Variants in MUC5AC observed in about 807,000 individuals in gnomAD.
MUC5AC encodes the protein mucin-5AC.
A neutral mutation model predicts 169.7 loss-of-function variants in MUC5AC; 158 were observed. The observed-to-expected ratio is 0.93, with a 90% CI of 0.82 to 1.06. MUC5AC has a LOEUF of 1.06. MUC5AC is among the 50% of genes least tolerant of loss of function. The probability of loss-of-function intolerance (pLI) is 0.00; values close to 1 mark genes in which losing one functional copy is unlikely to be tolerated. For missense variants in MUC5AC, 4,359 were observed against 3,089.9 expected, an observed-to-expected ratio of 1.41 and a Z score of -9.74; for synonymous variants, 1,975 against 1,237.0, an observed-to-expected ratio of 1.60 and a Z score of -12.52.
In MUC5AC at chr11:1,185,715, A is replaced by G. The variant is rs1860925269; in HGVS notation, c.7570A>G (p.Thr2524Ala). 6 of 745,178 alleles carry G rather than the reference A, an allele frequency of 8.1e-6. No individual in the cohort carries two copies. The highest frequency in any genetic ancestry group is 1.2e-5 in the Non-Finnish European group (5 of 407,858). 46.2% of individuals were successfully genotyped at this position (745,178 alleles called of 1,614,324 possible). The change falls in exon 31 of 49, where the codon ACA becomes GCA. Residue 2524 changes from threonine (T) to alanine (A), a missense_variant. Thr to Ala is a moderately conservative substitution (Grantham distance 58). Transcript: ENST00000621226. ...TSTTSASTTS[T>A]TSGAGTTPSP... Reference sequence around the variant, plus strand: ...CACAACCTCTGCTTCTACAACCAGCACAACCTCTGGTGCTGGAACTACTCC... The same window carrying G: ...CACAACCTCTGCTTCTACAACCAGCGCAACCTCTGGTGCTGGAACTACTCC...
chr11:1,166,269 C>T (rs1420347618), intron 11 of MUC5AC, among the ~76,000 whole-genome samples: 2 of 145,988 alleles, frequency 1.4e-5, no homozygotes, highest in Non-Finnish European at 3.0e-5. Context: ...CTGCACCCAA[C>T]ATACAGTCTC....
chr11:1,194,992 C>G lies in MUC5AC; in HGVS notation c.15191-20C>G. Reference sequence around the variant, plus strand: ...CCGGCTCTGCTGTCCAGCAGCCTGACCCCCACCGCGTCTGCCCAGGCACTT... The same window carrying G: ...CCGGCTCTGCTGTCCAGCAGCCTGAGCCCCACCGCGTCTGCCCAGGCACTT... On this transcript the variant is annotated intron_variant, in intron 35 of 48. Coordinates refer to ENST00000621226, the MANE Select transcript of MUC5AC (RefSeq NM_001304359.2). 1.4e-6 allele frequency: 1 copy of G among 711,056 alleles called. No individual in the cohort carries two copies. Among genetic ancestry groups the G allele is most frequent in the Non-Finnish European group, 2.6e-6 (1 of 387,666 alleles). The allele number at this position is 711,056 out of a possible 1,614,324, so 44.0% of individuals were successfully genotyped here.
Position 1,188,618 on chromosome 11 carries a change from C to G in MUC5AC, c.10473C>G (p.Thr3491=). Residue 3491 remains threonine (T), a synonymous_variant, in exon 31 of 49, where the codon ACC becomes ACG. Transcript: ENST00000621226. ...GSGTTPSPVT[T]TSTASVSKTS... ...GAACTACTCCCAGCCCTGTTACCAC[C>G]ACCAGCACAGCCTCTGTTTCAAAGA... The G allele has an allele frequency of 1.3e-6, 1 of 765,040 alleles. No homozygotes were observed. The highest frequency in any genetic ancestry group is 2.4e-6 in the Non-Finnish European group (1 of 417,810). 47.4% of individuals were successfully genotyped at this position (765,040 alleles called of 1,614,324 possible).
Position 1,190,226 on chromosome 11 carries a change from G to C in MUC5AC, c.12081G>C (p.Leu4027=). 1.3e-6 allele frequency: 1 copy of C among 751,204 alleles called. No individual in the cohort carries two copies. 46.5% of individuals were successfully genotyped at this position (751,204 alleles called of 1,614,324 possible). A position where few individuals can be genotyped will look rare whatever the true frequency, so the allele number is the denominator to read the frequency against. ...QVVQCSREEG[L]VCRNQDQQGP... The stretch of plus-strand genomic sequence containing the variant: ...TGCAGTGCAGCCGGGAAGAGGGCCT[G>C]GTGTGCCGGAACCAGGACCAGCAGG... Residue 4027 remains leucine, a synonymous_variant, in exon 31 of 49, where the codon CTG becomes CTC. Transcript: ENST00000621226.
intron 1 of MUC5AC, among the ~76,000 whole-genome samples, chr11:1,159,316 C>A (rs1432202732): frequency 6.6e-6 from 1 of 152,082 alleles, no homozygotes; most frequent in Non-Finnish European, 1.5e-5. Flanking sequence ...CTCTGCAGGT[C>A]CTGGGCTGGG....
At position 1,169,005 on chromosome 11, in the gene MUC5AC, T is replaced by C. The variant is rs1270429209; in HGVS notation, c.1849T>C (p.Cys617Arg). The C allele has an allele frequency of 2.5e-6, 4 of 1,599,412 alleles. No homozygotes were observed. The highest frequency in any genetic ancestry group is 3.4e-6 in the Non-Finnish European group (4 of 1,172,352). Residue 617 changes from cysteine (C) to arginine (R), a missense_variant, in exon 15 of 49, where the codon TGC becomes CGC. Physicochemically the swap from Cys to Arg is radical, Grantham distance 180. Coordinates refer to ENST00000621226, the MANE Select transcript of MUC5AC (RefSeq NM_001304359.2). The part of the protein sequence containing the change: ...PNIRNSFEDP[C>R]SLSVENEKYA... ...CATCAGGAACAGCTTCGAGGACCCCTGCTCTCTGAGCGTGGAGAATGGTAC... is the reference window on the plus strand; with the variant it reads ...CATCAGGAACAGCTTCGAGGACCCCCGCTCTCTGAGCGTGGAGAATGGTAC...
At chr11:1,177,144 G>C (rs1370637210) in intron 22 of MUC5AC, 78 bp downstream of exon 22, 7 of 398,618 alleles carry the variant, frequency 1.8e-5, no homozygotes, top group Non-Finnish European at 2.7e-5. Flanking sequence ...GGCTGCCCCA[G>C]GGTGCACACA....
chr11:1,187,349 A>T lies in MUC5AC; in HGVS notation c.9204A>T (p.Pro3068=). The T allele has an allele frequency of 1.4e-6, 1 of 709,450 alleles. No homozygotes were observed. The highest frequency in any genetic ancestry group is 2.0e-5 in the African/African-American group (1 of 48,982). The allele number at this position is 709,450 out of a possible 1,614,324, so 43.9% of individuals were successfully genotyped here. The change falls in exon 31 of 49, where the codon CCA becomes CCT. Residue 3068 remains proline (P), a synonymous_variant. Coordinates refer to ENST00000621226, the MANE Select transcript of MUC5AC (RefSeq NM_001304359.2). ...TAACTTCTGGTCCTGGAACTACCCC[A>T]AGCCCTGTTCCCACCACCAGCACAA... ...TSITSGPGTT[P]SPVPTTSTTS...
chr11:1,180,270 G>A (rs1016318465), intron 27 of MUC5AC, 84 bp from the exon 28 acceptor site: 8 of 398,532 alleles, frequency 2.0e-5, no homozygotes, highest in East Asian at 7.1e-5. Flanking sequence ...GGCGAGGCCC[G>A]CTGCTTGGGG....
In MUC5AC at chr11:1,196,729, C is replaced by T; in HGVS notation, c.15829+9C>T. The T allele has an allele frequency of 1.3e-6, 1 of 750,716 alleles. No homozygotes were observed. Among genetic ancestry groups the T allele is most frequent in the Non-Finnish European group, 2.4e-6 (1 of 411,402 alleles). The allele number at this position is 750,716 out of a possible 1,614,324, so 46.5% of individuals were successfully genotyped here. ...GCCCACGGGCTGCCCCAGTACGTGC[C>T]CCAGGCCGGGGCTGGGGGGTGTGGC... On this transcript the variant is annotated intron_variant, in intron 39 of 48. Transcript: ENST00000621226.
rs1174727912 is a variant in MUC5AC, at chr11:1,193,498, G to T, written c.14594G>T (p.Trp4865Leu). 1.3e-6 allele frequency: 1 copy of T among 745,032 alleles called. No homozygotes were observed. Among genetic ancestry groups the T allele is most frequent in the Non-Finnish European group, 2.4e-6 (1 of 408,654 alleles). The allele number at this position is 745,032 out of a possible 1,614,324, so 46.2% of individuals were successfully genotyped here. The change falls in exon 33 of 49, where the codon TGG (tryptophan) becomes TTG (leucine). Residue 4865 changes from tryptophan to leucine, a missense_variant. Coordinates refer to ENST00000621226, the MANE Select transcript of MUC5AC (RefSeq NM_001304359.2). ...GTGCTTCTGCAGAAAGGTGAGACCT[G>T]GGCCACACCCAACTGCTCCGAGGCC... ...AVPPRKKGET[W>L]ATPNCSEATC...
intron 39 of MUC5AC, 65 bp downstream of exon 39, chr11:1,196,785 C>T: frequency 1.4e-6 from 1 of 731,422 alleles, no homozygotes; most frequent in Non-Finnish European, 2.5e-6. Flanking sequence ...TGGCCAGGTC[C>T]TGGGGTCTAC....
At chr11:1,193,953 G>A (rs1016303237) in intron 33 of MUC5AC, among the ~76,000 whole-genome samples, 157 bp from the exon 34 acceptor site, 12 of 152,242 alleles carry the variant, frequency 7.9e-5, no homozygotes, top group Non-Finnish European at 1.2e-4. Context: ...CTGTGCGGAC[G>A]CTGGCCACGT....
rs1861017681 is a variant in MUC5AC at position 1,188,906 on chromosome 11, G to C, written c.10761G>C (p.Gln3587His). Residue 3587 changes from glutamine to histidine, a missense_variant, in exon 31 of 49, where the codon CAG becomes CAC. Gln to His is a conservative substitution (Grantham distance 24). Transcript: ENST00000621226. The stretch of plus-strand genomic sequence containing the variant: ...TCGAACACCTGGGCCAGGTGGTGCA[G>C]TGCAGCCGCGAAGAGGGCCTGGTGT... Reference protein sequence around the residue: ...VSIEHLGQVVQCSREEGLVCR... With the variant: ...VSIEHLGQVVHCSREEGLVCR... The C allele has an allele frequency of 3.9e-6, 3 of 761,922 alleles. No individual in the cohort carries two copies. The highest frequency in any genetic ancestry group is 7.2e-6 in the Non-Finnish European group (3 of 416,384). The allele number at this position is 761,922 out of a possible 1,614,324, so 47.2% of individuals were successfully genotyped here.
In MUC5AC at chr11:1,165,293, C is replaced by T; in HGVS notation, c.1130-9C>T. 1 of 1,609,752 alleles carries T rather than the reference C, an allele frequency of 6.2e-7. No individual in the cohort carries two copies. The highest frequency in any genetic ancestry group is 1.1e-5 in the South Asian group (1 of 90,778). Reference sequence around the variant, plus strand: ...AGGCGCCCGTCATAGGCCTGCCTGACCCCTGCAGGGACGGTGCTTGACGAC... The same window carrying T: ...AGGCGCCCGTCATAGGCCTGCCTGATCCCTGCAGGGACGGTGCTTGACGAC... On this transcript the variant is annotated splice_polypyrimidine_tract_variant and intron_variant, in intron 9 of 48. Transcript: ENST00000621226.
chr11:1,158,496 C>G (rs1304749945), intron 1 of MUC5AC, among the ~76,000 whole-genome samples: 1 of 152,258 alleles, frequency 6.6e-6, no homozygotes, highest in Non-Finnish European at 1.5e-5. Context: ...GCTCACGTTC[C>G]CTGTCTGGGC....
rs1311006204 is a variant in MUC5AC at position 1,160,684 on chromosome 11, C to A, written c.146C>A (p.Pro49His). ...HPALSPIARG[P>H]SGVPLRGATV... ...GCCCTCTCTCCTATCGCCCGGGGGCCCAGCGGTGAGTCTGAGTGTCCGGCC... is the reference window on the plus strand; with the variant it reads ...GCCCTCTCTCCTATCGCCCGGGGGCACAGCGGTGAGTCTGAGTGTCCGGCC... The change falls in exon 2 of 49, where the codon CCC (proline) becomes CAC (histidine). Residue 49 changes from proline to histidine, a missense_variant. By Grantham distance (77) the Pro-to-His change is moderately conservative. Coordinates refer to ENST00000621226, the MANE Select transcript of MUC5AC (RefSeq NM_001304359.2). The A allele has an allele frequency of 3.7e-6, 6 of 1,609,504 alleles. No individual in the cohort carries two copies. The highest frequency in any genetic ancestry group is 4.2e-6 in the Non-Finnish European group (5 of 1,179,316).
Position 1,188,085 on chromosome 11 carries a change from G to A in MUC5AC, c.9940G>A (p.Glu3314Lys), listed in dbSNP as rs1554928460. The A allele has an allele frequency of 5.4e-6, 4 of 742,122 alleles. No individual in the cohort carries two copies. Among genetic ancestry groups the A allele is most frequent in the Admixed American group, 5.3e-5 (3 of 57,112 alleles). The allele number at this position is 742,122 out of a possible 1,614,324, so 46.0% of individuals were successfully genotyped here. ...ACCCTTCAAGATGTGCCTCAACTAC[G>A]AGGTGCGTGTGCTCTGCTGCGAGAC... ...QGPFKMCLNY[E>K]VRVLCCETPK... Residue 3314 changes from glutamate to lysine, a missense_variant, in exon 31 of 49, where the codon GAG becomes AAG. Glu to Lys is a moderately conservative substitution (Grantham distance 56). Transcript: ENST00000621226.
At chr11:1,177,100 C>G in intron 22 of MUC5AC, 34 bp downstream of exon 22, 1 of 398,640 alleles carries the variant, frequency 2.5e-6, no homozygotes, top group Non-Finnish European at 4.4e-6. Flanking sequence ...TCACGGCGGC[C>G]CCCGTGGCCC....
Sources: allele counts gnomAD v4.1 joint callset (sites outside exome capture counted in the v4.1 genomes callset), GRCh38; gene constraint gnomAD v4.1.1; transcripts MANE v1.5; gene names NCBI Gene and HGNC (gene_info 2026-07-23, HGNC 2026-07-21).